ATG9B: variants seen among roughly 807,000 people sequenced by gnomAD.
ATG9B encodes the protein autophagy-related protein 9B.
In ATG9B, 92 loss-of-function variants were observed where a neutral mutation model predicts 92.9. That is an observed-to-expected ratio of 0.99 (90% CI 0.84 to 1.18). The LOEUF (loss-of-function observed/expected upper bound fraction) is 1.18. Among genes scored for constraint, ATG9B ranks in the 50% most tolerant of loss-of-function variants. The probability of loss-of-function intolerance (pLI) is 0.00; values close to 1 mark genes in which losing one functional copy is unlikely to be tolerated. For missense variants in ATG9B, 1,344 were observed against 1,235.0 expected, an observed-to-expected ratio of 1.09 and a Z score of -1.32; for synonymous variants, 599 against 551.4, an observed-to-expected ratio of 1.09 and a Z score of -1.21.
chr7:151,013,442 C>G (rs555795574), downstream of ATG9B: 13 of 1,543,030 alleles, frequency 8.4e-6, no homozygotes, highest in Middle Eastern at 1.7e-4. Flanking sequence ...GACTCGCGCT[C>G]TCCAGCGGGG....
At chr7:151,023,024 C>A (rs751334839) in intron 4 of ATG9B, 21 bp downstream of exon 4, 12 of 1,613,932 alleles carry the variant, frequency 7.4e-6, no homozygotes, top group Non-Finnish European at 4.2e-6. Flanking sequence ...ACCCCCAGGG[C>A]CCCACCAGGT....
chr7:151,013,362 G>T, downstream of ATG9B: 3 of 1,613,422 alleles, frequency 1.9e-6, no homozygotes, highest in Non-Finnish European at 2.5e-6. Flanking sequence ...CTTCTCCCGG[G>T]AACCTGACAA....
At chr7:151,020,668 G>C (rs1795714074) in intron 5 of ATG9B, among the ~76,000 whole-genome samples, 2 of 152,246 alleles carry the variant, frequency 1.3e-5, no homozygotes, top group Admixed American at 6.5e-5. Context: ...AAAGGGCAGA[G>C]CATAAGCAGT....
At chr7:151,013,069 T>C, downstream of ATG9B, 1 of 768,386 alleles carries the variant, frequency 1.3e-6, no homozygotes, top group Non-Finnish European at 2.1e-6. Context: ...GCAGGGTCTC[T>C]GTGAAAGCAT....
At chr7:151,013,530 CG>C, downstream of ATG9B, 1 of 1,180,084 alleles carries the variant, frequency 8.5e-7, no homozygotes, top group Non-Finnish European at 1.2e-6. Context: ...CCTTGTGCCC[CG>C]GCCCCTCTAG....
At chr7:151,013,596 G>C (rs3918209), downstream of ATG9B, 2 of 437,506 alleles carry the variant, frequency 4.6e-6, no homozygotes, top group South Asian at 3.4e-5. Context: ...TGTTGACACC[G>C]CCCCAGGGCA....
At chr7:151,013,638 T>C, downstream of ATG9B, 5 of 1,317,380 alleles carry the variant, frequency 3.8e-6, no homozygotes, top group Non-Finnish European at 4.1e-6. Context: ...TCCGGAGACT[T>C]TCACGTCCAG....
In ATG9B at chr7:151,018,871, C is replaced by T. The variant is rs1228508023; in HGVS notation, c.1467G>A (p.Leu489=). The change falls in exon 6 of 14, where the codon CTG becomes CTA. Residue 489 remains leucine (L), a synonymous_variant. Coordinates refer to ENST00000639579, the MANE Select transcript of ATG9B (RefSeq NM_001317056.2). This position sits in a 1 kb window ranked among gnomAD's most constrained non-coding sequence, Gnocchi z 4.7. ...CGTGCGGCAGCTCGTTGAAGTGGCG[C>T]AGCTGCAAGCGCGCCAGGCGGGACC... ...RGWSRLARLQ[L]RHFNELPHEL... 8 of 1,367,120 alleles carry T rather than the reference C, an allele frequency of 5.9e-6. No homozygotes were observed. Among genetic ancestry groups the T allele is most frequent in the Non-Finnish European group, 7.5e-6 (8 of 1,067,262 alleles). The allele number at this position is 1,367,120 out of a possible 1,614,324, so 84.7% of individuals were successfully genotyped here.
At chr7:151,013,936 G>A (rs1795376250), downstream of ATG9B, 4 of 1,598,304 alleles carry the variant, frequency 2.5e-6, no homozygotes, top group African/African-American at 2.7e-5. Flanking sequence ...GGGGCGGGCC[G>A]GGCCTGAGCG....
chr7:151,013,289 T>A, downstream of ATG9B: 1 of 1,614,000 alleles, frequency 6.2e-7, no homozygotes, highest in Non-Finnish European at 8.5e-7. Context: ...AACTTGACCA[T>A]CTCTACCGCG....
In ATG9B at chr7:151,023,727, G is replaced by A. The variant is rs765658478; in HGVS notation, c.554C>T (p.Ser185Phe). The A allele has an allele frequency of 6.2e-7, 1 of 1,614,050 alleles. No homozygotes were observed. Among genetic ancestry groups the A allele is most frequent in the Admixed American group, 1.7e-5 (1 of 60,024 alleles). Residue 185 changes from serine to phenylalanine, a missense_variant, in exon 2 of 14, where the codon TCC becomes TTC. By Grantham distance (155) the Ser-to-Phe change is radical. Transcript: ENST00000639579. ...GTCCAGGTTCTGGATGTGATGCCAG[G>A]AGCCTGGGCACAGAGGGGAGAGTGT... Reference protein sequence around the residue: ...LLHVPEGLRGSWHHIQNLDSF... With the variant: ...LLHVPEGLRGFWHHIQNLDSF...
rs757471914 is a variant in ATG9B, at chr7:151,017,181, T to C, written c.2144A>G (p.His715Arg). Residue 715 changes from histidine to arginine, a missense_variant, in exon 9 of 14, where the codon CAT becomes CGT. Physicochemically the swap from His to Arg is conservative, Grantham distance 29 (BLOSUM62 0). Transcript: ENST00000639579. ...GTGCCCTGGGGGGCGCCAGAGTGGATGCGCCAGGGAGAACCGCATCAAAGA... is the reference window on the plus strand; with the variant it reads ...GTGCCCTGGGGGGCGCCAGAGTGGACGCGCCAGGGAGAACCGCATCAAAGA... ...ELSLMRFSLA[H>R]PLWRPPGHSS... 3 of 1,613,108 alleles carry C rather than the reference T, an allele frequency of 1.9e-6. No individual in the cohort carries two copies. In the Admixed American group the frequency reaches 5.0e-5, roughly 27 times the overall value.
In ATG9B at chr7:151,015,973, G is replaced by A. The variant is rs752565788; in HGVS notation, c.2698C>T (p.Arg900Trp). The A allele has an allele frequency of 1.2e-5, 18 of 1,551,504 alleles. No homozygotes were observed. The highest frequency in any genetic ancestry group is 4.1e-5 in the African/African-American group (3 of 73,044). The change falls in exon 13 of 14, where the codon CGG becomes TGG. Residue 900 changes from arginine (R) to tryptophan (W), a missense_variant. By Grantham distance (101) the Arg-to-Trp change is moderately radical (BLOSUM62 -3). Transcript: ENST00000639579. Reference sequence around the variant, plus strand: ...TGAAACCCTCCGGGGAACAGATTCCGGGCCTTCTGGGTTCCCCACTGTTGT... The same window carrying A: ...TGAAACCCTCCGGGGAACAGATTCCAGGCCTTCTGGGTTCCCCACTGTTGT... ...PRQQWGTQKA[R>W]NLFPGGFQVT... is the part of the protein sequence containing the mutation.
rs1322655225 is a variant in ATG9B at position 151,018,909 on chromosome 7, C to G, written c.1429G>C (p.Gly477Arg). 4.0e-6 allele frequency: 6 copies of G among 1,490,542 alleles called. No individual in the cohort carries two copies. Among genetic ancestry groups the G allele is most frequent in the Admixed American group, 2.5e-5 (1 of 40,232 alleles). 92.3% of individuals were successfully genotyped at this position (1,490,542 alleles called of 1,614,324 possible). Residue 477 changes from glycine (G) to arginine (R), a missense_variant, in exon 6 of 14, where the codon GGG (glycine) becomes CGG (arginine). Physicochemically the swap from Gly to Arg is moderately radical, Grantham distance 125 (BLOSUM62 -2). Coordinates refer to ENST00000639579, the MANE Select transcript of ATG9B (RefSeq NM_001317056.2). This position sits in a 1 kb window ranked among gnomAD's most constrained non-coding sequence, Gnocchi z 4.7. ...ELLRREPGAL[G>R]ARGWSRLARL... ...GCCAGGCGGGACCAGCCGCGCGCCC[C>G]CAGCGCGCCAGGCTCGCGCCGCAGC...
Position 151,018,314 on chromosome 7 carries a change from G to C in ATG9B, c.1852C>G (p.Gln618Glu). Residue 618 changes from glutamine (Q) to glutamate (E), a missense_variant, in exon 7 of 14, where the codon CAG becomes GAG. By Grantham distance (29) the Gln-to-Glu change is conservative (BLOSUM62 2). Transcript: ENST00000639579. This position sits in a 1 kb window ranked among gnomAD's most constrained non-coding sequence, Gnocchi z 4.7. ...CTCACCGCTCGGTACTGCAGCAGCT[G>C]CGCCATCTGCCGGTAGGCGCGGTCC... ...GRDRAYRQMA[Q>E]LLQYRAVSLL... is the part of the protein sequence containing the mutation. The C allele has an allele frequency of 6.3e-7, 1 of 1,580,606 alleles. No individual in the cohort carries two copies. Among genetic ancestry groups the C allele is most frequent in the Non-Finnish European group, 8.6e-7 (1 of 1,168,432 alleles).
chr7:151,018,186 T>C lies in ATG9B; in HGVS notation c.1872+108A>G. 1 of 1,469,142 alleles carries C rather than the reference T, an allele frequency of 6.8e-7. No homozygotes were observed. 91.0% of individuals were successfully genotyped at this position (1,469,142 alleles called of 1,614,324 possible). A position where few individuals can be genotyped will look rare whatever the true frequency, so the allele number is the denominator to read the frequency against. On this transcript the variant is annotated intron_variant, in intron 7 of 13. Coordinates refer to ENST00000639579, the MANE Select transcript of ATG9B (RefSeq NM_001317056.2). The surrounding 1 kb of genome is among the most constrained non-coding windows in gnomAD (Gnocchi z 4.7). ...GTCACTCCCTAGACTCCTGGTATAG[T>C]CCGTTTGTCTCATGCCCTCTCCCAG...
At chr7:151,019,471 A>G in intron 5 of ATG9B, 97 bp from the exon 6 acceptor site, 1 of 1,436,406 alleles carries the variant, frequency 7.0e-7, no homozygotes, top group Non-Finnish European at 9.1e-7. Flanking sequence ...AAAACCCGCA[A>G]ACTGAGTTTG....
chr7:151,013,973 G>A (rs781231312), downstream of ATG9B: 4 of 1,607,868 alleles, frequency 2.5e-6, no homozygotes, highest in South Asian at 1.1e-5. Context: ...AGGTCTCCGA[G>A]TCGGGTTCTG....
chr7:151,018,267 T>G lies in ATG9B; in HGVS notation c.1872+27A>C. The G allele has an allele frequency of 2.6e-6, 4 of 1,517,764 alleles. No individual in the cohort carries two copies. The highest frequency in any genetic ancestry group is 2.3e-5 in the East Asian group (1 of 44,100). 94.0% of individuals were successfully genotyped at this position (1,517,764 alleles called of 1,614,324 possible). On this transcript the variant is annotated intron_variant, in intron 7 of 13. Transcript: ENST00000639579. The surrounding 1 kb of genome is among the most constrained non-coding windows in gnomAD (Gnocchi z 4.7). ...GCAGACAGACCCCACAACTTCCTCCTCAGCCCGCCGTCGCGCCCACCCTCA... is the reference window on the plus strand; with the variant it reads ...GCAGACAGACCCCACAACTTCCTCCGCAGCCCGCCGTCGCGCCCACCCTCA...
Sources: gnomAD v4.1 joint callset for allele counts (sites outside exome capture counted in the v4.1 genomes callset) on GRCh38, gnomAD v4.1.1 for gene constraint, Gnocchi (gnomAD v3.1) non-coding constraint, MANE v1.5 for transcripts, NCBI Gene and HGNC (gene_info 2026-07-23, HGNC 2026-07-21) for gene names.